GOLGA3: variants seen among roughly 807,000 people sequenced by gnomAD.
GOLGA3 encodes golgin subfamily A member 3.
In GOLGA3, 75 loss-of-function variants were observed where a neutral mutation model predicts 169.4. The observed-to-expected ratio is 0.44, with a 90% CI of 0.37 to 0.54. The LOEUF (loss-of-function observed/expected upper bound fraction) is 0.54. GOLGA3 is among the 20% of genes least tolerant of loss of function. GOLGA3 has a pLI of 0.00. For synonymous variants in GOLGA3, 824 were observed against 822.4 expected (o/e 1.00, Z -0.03); for missense variants, 1,899 against 1,930.0 (o/e 0.98, Z 0.30).
intron 2 of GOLGA3, among the ~76,000 whole-genome samples, chr12:132,821,695 A>C (rs1383829712): frequency 6.6e-6 from 1 of 151,538 alleles, no homozygotes; most frequent in Non-Finnish European, 1.5e-5. Flanking sequence ...TCTACTAAAA[A>C]TACAAAAAAT....
chr12:132,779,043 C>T (rs1218064889), intron 18 of GOLGA3, among the ~76,000 whole-genome samples: 1 of 152,148 alleles, frequency 6.6e-6, no homozygotes, highest in East Asian at 1.9e-4. Context: ...CCTGTGGGGC[C>T]AAGAGAAAGC....
chr12:132,815,806 G>C, intron 3 of GOLGA3, among the ~76,000 whole-genome samples: 1 of 152,218 alleles, frequency 6.6e-6, no homozygotes, highest in East Asian at 1.9e-4. Flanking sequence ...AGCAGAGGCA[G>C]GAAGATCCCT....
In GOLGA3 at chr12:132,804,342, T is replaced by C. The variant is rs1949277758; in HGVS notation, c.1597+374A>G. On this transcript the variant is annotated intron_variant, in intron 7 of 23. Transcript: ENST00000450791. The surrounding 1 kb of genome is among the most constrained non-coding windows in gnomAD (Gnocchi z 4.1). ...GGGTCCAAGGTCAATCTCCAAGACC[T>C]AATTCATTCCCCTGGATGTGCACAC... Among the ~76,000 whole-genome samples, 1 of 152,230 alleles carries C rather than the reference T, an allele frequency of 6.6e-6. No homozygotes were observed. Among genetic ancestry groups the C allele is most frequent in the African/African-American group, 2.4e-5 (1 of 41,460 alleles).
intron 7 of GOLGA3, among the ~76,000 whole-genome samples, chr12:132,803,905 G>A (rs970297127): frequency 2.0e-5 from 3 of 152,224 alleles, no homozygotes; most frequent in Middle Eastern, 3.4e-3. Flanking sequence ...TACACCCCTC[G>A]GGCTTTGTCT....
At chr12:132,794,269 C>A (rs980200242) in intron 11 of GOLGA3, among the ~76,000 whole-genome samples, 4 of 150,144 alleles carry the variant, frequency 2.7e-5, no homozygotes, top group Admixed American at 2.0e-4. Context: ...CTGAGGCGGG[C>A]AGTTCACTCG....
intron 7 of GOLGA3, among the ~76,000 whole-genome samples, chr12:132,803,198 G>A (rs939697527): frequency 4.6e-5 from 7 of 152,148 alleles, no homozygotes; most frequent in South Asian, 4.1e-4. Flanking sequence ...CCTGCAGCCC[G>A]GCTGAGCACC....
In GOLGA3 at chr12:132,822,137, C is replaced by T. The variant is rs771930333; in HGVS notation, c.-9G>A. 1.9e-5 allele frequency: 30 copies of T among 1,598,262 alleles called. No individual in the cohort carries two copies. Among genetic ancestry groups the T allele is most frequent in the Admixed American group, 6.9e-5 (4 of 57,560 alleles). On this transcript the variant is annotated 5_prime_UTR_variant, in exon 2 of 24. Coordinates refer to ENST00000450791, the MANE Select transcript of GOLGA3 (RefSeq NM_001389683.1). ...GCCGACGCGCCGTCCATGGTCAGGA[C>T]GACACCAGCTGAGCTGACGCTGAGG...
chr12:132,775,106 GT>G, intron 22 of GOLGA3, 34 bp downstream of exon 22: 1 of 1,593,178 alleles, frequency 6.3e-7, no homozygotes, highest in South Asian at 1.1e-5. Flanking sequence ...TACAGCGCAC[GT>G]CGGCTACCCC....
In GOLGA3 at chr12:132,808,375, G is replaced by T. The variant is rs1184844798; in HGVS notation, c.694C>A (p.Pro232Thr). Residue 232 changes from proline (P) to threonine (T), a missense_variant, in exon 5 of 24, where the codon CCT becomes ACT. Pro to Thr is a conservative substitution (Grantham distance 38). Coordinates refer to ENST00000450791, the MANE Select transcript of GOLGA3 (RefSeq NM_001389683.1). ...KVGSLGLPAH[P>T]REKKTSKSSK... ...GATTTGGAAGTTTTTTTCTCCCTAGGATGTGCCGGAAGCCCCAGGCTGCCC... is the reference window on the plus strand; with the variant it reads ...GATTTGGAAGTTTTTTTCTCCCTAGTATGTGCCGGAAGCCCCAGGCTGCCC... 1.9e-6 allele frequency: 3 copies of T among 1,614,034 alleles called. No individual in the cohort carries two copies. The African/African-American group carries it at 4.0e-5, about 22-fold the overall frequency.
rs144989629 is a variant in GOLGA3 at position 132,776,973 on chromosome 12, G to A, written c.3840C>T (p.Pro1280=). ...GAACCGTCACCTCTTGGTTTCCCACGGGCTGTTTGCTGAGCTGCTCGTCCA... is the reference window on the plus strand; with the variant it reads ...GAACCGTCACCTCTTGGTTTCCCACAGGCTGTTTGCTGAGCTGCTCGTCCA... The part of the protein sequence containing the change: ...KQLDEQLSKQ[P]VGNQEMENLK... The change falls in exon 20 of 24, where the codon CCC becomes CCT. Residue 1280 remains proline, a synonymous_variant. Transcript: ENST00000450791. 3.3e-5 allele frequency: 53 copies of A among 1,599,352 alleles called. No homozygotes were observed. The highest frequency in any genetic ancestry group is 3.8e-5 in the Non-Finnish European group (45 of 1,173,232).
chr12:132,822,325 G>A lies in GOLGA3; in HGVS notation c.-183-14C>T, dbSNP rs1041069150. 10 of 1,282,900 alleles carry A rather than the reference G, an allele frequency of 7.8e-6. No individual in the cohort carries two copies. The highest frequency in any genetic ancestry group is 4.1e-5 in the Admixed American group (1 of 24,352). The allele number at this position is 1,282,900 out of a possible 1,614,324, so 79.5% of individuals were successfully genotyped here. On this transcript the variant is annotated splice_polypyrimidine_tract_variant and intron_variant, in intron 1 of 23. Coordinates refer to ENST00000450791, the MANE Select transcript of GOLGA3 (RefSeq NM_001389683.1). ...ATATCATGATACCTGACAGGAGAGAGAGACAAAATGTATTATGAAACTTGT... is the reference window on the plus strand; with the variant it reads ...ATATCATGATACCTGACAGGAGAGAAAGACAAAATGTATTATGAAACTTGT...
intron 20 of GOLGA3, 71 bp from the exon 21 acceptor site, chr12:132,776,827 C>CTG: frequency 1.3e-6 from 2 of 1,582,440 alleles, no homozygotes; most frequent in Admixed American, 3.5e-5. Context: ...ATGGCTCTAG[C>CTG]TGTGTTTTGG....
intron 11 of GOLGA3, among the ~76,000 whole-genome samples, chr12:132,792,838 G>A (rs12322035): frequency 0.67 from 28,085 of 41,944 alleles, 9,841 homozygotes; most frequent in East Asian, 0.78. Context: ...GGCTCCACAC[G>A]GACCGACCAC....
At chr12:132,811,874 C>T (rs11147088) in intron 4 of GOLGA3, 246,454 of 816,268 alleles carry the variant, frequency 0.3, 37,676 homozygotes, top group Non-Finnish European at 0.33. Flanking sequence ...AGGCTGGGCG[C>T]GATGGTGGGT....
chr12:132,785,429 G>A (rs969764096), intron 15 of GOLGA3, among the ~76,000 whole-genome samples: 8 of 152,134 alleles, frequency 5.3e-5, no homozygotes, highest in African/African-American at 1.7e-4. Flanking sequence ...TCCCACCTCA[G>A]TGTCTCAAGC....
chr12:132,773,598 T>C (rs114294977), intron 23 of GOLGA3, among the ~76,000 whole-genome samples: 1,644 of 152,296 alleles, frequency 0.011, 36 homozygotes, highest in African/African-American at 0.038. Context: ...CCCTACACAC[T>C]TCGCTCAGCC....
At chr12:132,775,828 G>A (rs1351686694) in intron 21 of GOLGA3, among the ~76,000 whole-genome samples, 1 of 152,222 alleles carries the variant, frequency 6.6e-6, no homozygotes, top group African/African-American at 2.4e-5. Context: ...CTCCTTTCCC[G>A]AGCAGTCAAG....
At chr12:132,821,589 A>G (rs148384809) in intron 2 of GOLGA3, among the ~76,000 whole-genome samples, 4,152 of 151,812 alleles carry the variant, frequency 0.027, 181 homozygotes, top group African/African-American at 0.094. Context: ...AGTGGCTCAC[A>G]CCTGTAATCC....
chr12:132,807,129 G>T, intron 6 of GOLGA3, 48 bp downstream of exon 6: 2 of 1,149,900 alleles, frequency 1.7e-6, no homozygotes, highest in Non-Finnish European at 2.6e-6. Context: ...AGCCACACAT[G>T]CTTTCCGACT....
Sources: allele counts gnomAD v4.1 joint callset (sites outside exome capture counted in the v4.1 genomes callset), GRCh38; gene constraint gnomAD v4.1.1; non-coding constraint Gnocchi (gnomAD v3.1); transcripts MANE v1.5; gene names NCBI Gene and HGNC (gene_info 2026-07-23, HGNC 2026-07-21).